The following EP400 variants were observed in gnomAD, a reference collection of about 807,000 sequenced individuals.
EP400 encodes E1A-binding protein p400.
Under a neutral mutation model 354.1 loss-of-function variants are expected in EP400, and 105 were observed. The ratio of observed to expected loss-of-function variants is 0.30; its 90% confidence interval spans 0.25 to 0.35. The LOEUF (loss-of-function observed/expected upper bound fraction) is 0.35, where lower values mean the gene tolerates loss of function less well. EP400 is among the 10% of genes least tolerant of loss of function. The pLI, the probability that EP400 is intolerant of heterozygous loss-of-function variation, is 1.00. For missense variants in EP400, 3,280 were observed against 4,121.0 expected (o/e 0.80, Z 5.59); for synonymous variants, 1,646 against 1,716.9 (o/e 0.96, Z 1.02).
At position 132,077,386 on chromosome 12, in the gene EP400, ACT is replaced by A. The variant is rs766232362; in HGVS notation, c.9100-9_9100-8del. The A allele has an allele frequency of 6.9e-6, 11 of 1,601,654 alleles. No individual in the cohort carries two copies. Among genetic ancestry groups the A allele is most frequent in the African/African-American group, 2.7e-5 (2 of 74,486 alleles). On this transcript the variant is annotated splice_polypyrimidine_tract_variant and intron_variant, in intron 52 of 52. Coordinates refer to ENST00000389561, the MANE Select transcript of EP400 (RefSeq NM_015409.5). ...TTTCCTGGGCAATGTGTGTTTTCTG[ACT>A]CTCTCGGCTCAGGCTTCTCCACAGA... is the stretch of plus-strand genomic sequence containing the variant.
intron 12 of EP400, among the ~76,000 whole-genome samples, chr12:131,995,822 C>T (rs1893192666): frequency 6.7e-6 from 1 of 149,404 alleles, no homozygotes; most frequent in Non-Finnish European, 1.5e-5. Flanking sequence ...CCCACCGCAG[C>T]TTGACTGAAT....
chr12:131,992,322 C>G, intron 11 of EP400, 92 bp downstream of exon 11: 1 of 1,196,972 alleles, frequency 8.4e-7, no homozygotes. Context: ...GTCTTGTCAT[C>G]TTCAGCTGGT....
chr12:132,050,344 C>T lies in EP400; in HGVS notation c.7222C>T (p.Arg2408Cys), dbSNP rs959893827. ...EGKSKNNRPLRTSQIYAQDEN... is the reference protein window; with the variant it reads ...EGKSKNNRPLCTSQIYAQDEN... ...GCAGAGTAAAAACAACCGTCCTCTC[C>T]GTACGAGCCAGATCTATGCCCAGGA... The change falls in exon 40 of 53, where the codon CGT (arginine) becomes TGT (cysteine). Residue 2408 changes from arginine to cysteine, a missense_variant. By Grantham distance (180) the Arg-to-Cys change is radical. Coordinates refer to ENST00000389561, the MANE Select transcript of EP400 (RefSeq NM_015409.5). This position sits in a 1 kb window ranked among gnomAD's most constrained non-coding sequence, Gnocchi z 4.8. 6.2e-6 allele frequency: 10 copies of T among 1,614,016 alleles called. No individual in the cohort carries two copies. Among genetic ancestry groups the T allele is most frequent in the African/African-American group, 2.7e-5 (2 of 74,918 alleles).
intron 41 of EP400, chr12:132,051,013 A>G (rs1175440537): frequency 5.2e-6 from 2 of 382,012 alleles, no homozygotes; most frequent in African/African-American, 4.1e-5. Context: ...TTAAGAACAC[A>G]CCACATTTAG....
At chr12:132,063,265 C>T (rs899708757) in intron 47 of EP400, among the ~76,000 whole-genome samples, 1 of 152,248 alleles carries the variant, frequency 6.6e-6, no homozygotes, top group African/African-American at 2.4e-5. Context: ...ATAATCCCAG[C>T]ACTTTGGGAG....
At position 132,027,366 on chromosome 12, in the gene EP400, A is replaced by G. The variant is rs1158793423; in HGVS notation, c.5015-71A>G. The G allele has an allele frequency of 5.4e-6, 8 of 1,493,948 alleles. No homozygotes were observed. The allele number at this position is 1,493,948 out of a possible 1,614,324, so 92.5% of individuals were successfully genotyped here. A position where few individuals can be genotyped will look rare whatever the true frequency, so the allele number is the denominator to read the frequency against. On this transcript the variant is annotated intron_variant, in intron 25 of 52. Transcript: ENST00000389561. The surrounding 1 kb of genome is among the most constrained non-coding windows in gnomAD (Gnocchi z 4.9). ...GCTGGTGGAGGGTGAGGTTCCATGG[A>G]GCATGCTGGTGTCAGATGAAATCCT...
chr12:132,032,292 C>A, intron 30 of EP400, 143 bp downstream of exon 30: 1 of 887,944 alleles, frequency 1.1e-6, no homozygotes, highest in Non-Finnish European at 1.7e-6. Flanking sequence ...AATGCAGAAA[C>A]AAAAGGTAGC....
intron 39 of EP400, among the ~76,000 whole-genome samples, 172 bp downstream of exon 39, chr12:132,046,072 T>C (rs1593371271): frequency 6.6e-6 from 1 of 152,344 alleles, no homozygotes; most frequent in East Asian, 1.9e-4. Context: ...GTCAGGTGTC[T>C]GCACTGTGCC....
At position 132,059,946 on chromosome 12, in the gene EP400, C is replaced by T. The variant is rs1481323510; in HGVS notation, c.7885-2164C>T. 2.0e-5 allele frequency among the ~76,000 whole-genome samples: 3 copies of T among 151,884 alleles called. No individual in the cohort carries two copies. The South Asian group carries it at 6.2e-4, about 32-fold the overall frequency. On this transcript the variant is annotated intron_variant, in intron 45 of 52. Coordinates refer to ENST00000389561, the MANE Select transcript of EP400 (RefSeq NM_015409.5). Reference sequence around the variant, plus strand: ...GCTGAGGCAGGAGAATTGCTTGAACCCGGGAGGCGGAGGTTGCAGTGAGCC... The same window carrying T: ...GCTGAGGCAGGAGAATTGCTTGAACTCGGGAGGCGGAGGTTGCAGTGAGCC...
Position 132,043,295 on chromosome 12 carries a change from T to C in EP400, c.6208-9T>C. 2 of 1,602,902 alleles carry C rather than the reference T, an allele frequency of 1.2e-6. No individual in the cohort carries two copies. The highest frequency in any genetic ancestry group is 1.7e-6 in the Non-Finnish European group (2 of 1,176,108). ...CTATCAAGGCAATCTAAACATAGAC[T>C]TTCCTCAGGCCCTCAAGAGTATTGA... is the stretch of plus-strand genomic sequence containing the variant. On this transcript the variant is annotated splice_polypyrimidine_tract_variant and intron_variant, in intron 32 of 52. Transcript: ENST00000389561.
At chr12:131,973,102 T>G (rs1373267803) in intron 2 of EP400, among the ~76,000 whole-genome samples, 2 of 152,254 alleles carry the variant, frequency 1.3e-5, no homozygotes, top group Non-Finnish European at 2.9e-5. Flanking sequence ...GTTTTGTTAT[T>G]TCATTTAACA....
rs540782834 is a variant in EP400 at position 131,983,011 on chromosome 12, T to C, written c.1929+533T>C. Among the ~76,000 whole-genome samples the C allele has an allele frequency of 1.6e-3, 246 of 152,092 alleles. 1 individual carries two copies. The highest frequency in any genetic ancestry group is 5.6e-3 in the African/African-American group (234 of 41,498). The stretch of plus-strand genomic sequence containing the variant: ...TAATAATAATAATAGACAACTGTTA[T>C]TATTGTCACTCTTAGTACCAGGGGT... On this transcript the variant is annotated intron_variant, in intron 5 of 52. Transcript: ENST00000389561.
chr12:132,059,869 A>AG (rs1895631490), intron 45 of EP400, among the ~76,000 whole-genome samples: 1 of 152,046 alleles, frequency 6.6e-6, no homozygotes, highest in Non-Finnish European at 1.5e-5. Flanking sequence ...ACAAAAAAAA[A>AG]AAAATCAGCC....
chr12:132,042,597 C>T (rs965691380), intron 32 of EP400, among the ~76,000 whole-genome samples: 1 of 152,220 alleles, frequency 6.6e-6, no homozygotes, highest in African/African-American at 2.4e-5. Flanking sequence ...AGTGTTATAT[C>T]ACTTTGAGGG....
chr12:132,015,962 T>G (rs1893916064), intron 19 of EP400, among the ~76,000 whole-genome samples: 1 of 152,160 alleles, frequency 6.6e-6, no homozygotes, highest in Non-Finnish European at 1.5e-5. Context: ...GCTCCAGAGC[T>G]GCCAGACCAG....
chr12:132,021,993 C>T (rs187800125), intron 23 of EP400, among the ~76,000 whole-genome samples: 25 of 152,298 alleles, frequency 1.6e-4, no homozygotes, highest in Non-Finnish European at 3.4e-4. Context: ...CACCTCAACT[C>T]CTTTTGTTGT....
chr12:132,030,177 A>G lies in EP400; in HGVS notation c.5754+19A>G. The stretch of plus-strand genomic sequence containing the variant: ...ACGGCAGGTGAGAAGCACATTGTTT[A>G]CATTGTCTCTGATGGGTCAGTCACT... On this transcript the variant is annotated intron_variant, in intron 29 of 52. Transcript: ENST00000389561. 6.2e-7 allele frequency: 1 copy of G among 1,613,628 alleles called. No individual in the cohort carries two copies. The highest frequency in any genetic ancestry group is 8.5e-7 in the Non-Finnish European group (1 of 1,179,624).
At position 131,964,014 on chromosome 12, in the gene EP400, C is replaced by A. The variant is rs376504965; in HGVS notation, c.1335+2060C>A. 2.1e-3 allele frequency among the ~76,000 whole-genome samples: 326 copies of A among 152,190 alleles called. 3 individuals are homozygous for A. The highest frequency in any genetic ancestry group is 7.4e-3 in the African/African-American group (308 of 41,526). ...AAAACAGAATAAGAAAAAAAAGATT[C>A]AAGTAGATGATAAATTGGTATTTTC... On this transcript the variant is annotated intron_variant, in intron 2 of 52. Coordinates refer to ENST00000389561, the MANE Select transcript of EP400 (RefSeq NM_015409.5).
rs549968400 is a variant in EP400 at position 132,025,937 on chromosome 12, T to C, written c.5014+133T>C. The C allele has an allele frequency of 1.7e-5, 19 of 1,096,608 alleles. No individual in the cohort carries two copies. In the South Asian group the frequency reaches 3.7e-4, roughly 21 times the overall value. The allele number at this position is 1,096,608 out of a possible 1,614,324, so 67.9% of individuals were successfully genotyped here. A position where few individuals can be genotyped will look rare whatever the true frequency, so the allele number is the denominator to read the frequency against. ...CAGTCTAGTGTGTGGCCATCTCTGA[T>C]TTCTATAGATGTGTCCTAGTGTCAG... is the stretch of plus-strand genomic sequence containing the variant. On this transcript the variant is annotated intron_variant, in intron 25 of 52. Transcript: ENST00000389561. The surrounding 1 kb of genome is among the most constrained non-coding windows in gnomAD (Gnocchi z 4.1).
Sources: allele counts gnomAD v4.1 joint callset (sites outside exome capture counted in the v4.1 genomes callset), GRCh38; gene constraint gnomAD v4.1.1; non-coding constraint Gnocchi (gnomAD v3.1); transcripts MANE v1.5; gene names NCBI Gene and HGNC (gene_info 2026-07-23, HGNC 2026-07-21).